Variants in ANKS1B observed in about 807,000 individuals in gnomAD.
ANKS1B encodes the protein ankyrin repeat and sterile alpha motif domain containing 1B.
A neutral mutation model predicts 148.3 loss-of-function variants in ANKS1B; 36 were observed. That is an observed-to-expected ratio of 0.24 (90% CI 0.19 to 0.32). The LOEUF is 0.32. Among genes scored for constraint, ANKS1B ranks in the 10% least tolerant of loss-of-function variants. ANKS1B has a pLI of 1.00. For synonymous variants in ANKS1B, 542 were observed against 560.8 expected, an observed-to-expected ratio of 0.97 and a Z score of 0.47; for missense variants, 1,157 against 1,542.6, an observed-to-expected ratio of 0.75 and a Z score of 4.19.
At chr12:98,777,601 G>A (rs543218657) in intron 24 of ANKS1B, among the ~76,000 whole-genome samples, 1 of 152,316 alleles carries the variant, frequency 6.6e-6, no homozygotes, top group South Asian at 2.1e-4. Context: ...TCAACAGAAG[G>A]CTGAGGTGAT....
At chr12:99,729,882 C>T (rs1262217677) in intron 8 of ANKS1B, among the ~76,000 whole-genome samples, 1 of 152,120 alleles carries the variant, frequency 6.6e-6, no homozygotes, top group African/African-American at 2.4e-5. Flanking sequence ...GTATTTTTCC[C>T]TTTTTGCATA....
At chr12:99,577,987 A>G (rs970246756) in intron 9 of ANKS1B, among the ~76,000 whole-genome samples, 6 of 152,104 alleles carry the variant, frequency 3.9e-5, no homozygotes, top group African/African-American at 1.2e-4. Flanking sequence ...ATATTAGCAA[A>G]CCAAATCCAG....
chr12:98,760,339 A>T (rs1432875013), intron 25 of ANKS1B, among the ~76,000 whole-genome samples: 1 of 151,886 alleles, frequency 6.6e-6, no homozygotes, highest in Non-Finnish European at 1.5e-5. Context: ...GTCATGGCTC[A>T]CAGAAAGCTT....
intron 12 of ANKS1B, among the ~76,000 whole-genome samples, chr12:99,348,592 G>A (rs1162864308): frequency 6.6e-6 from 1 of 151,758 alleles, no homozygotes; most frequent in Admixed American, 6.6e-5. Flanking sequence ...TCATCAATAA[G>A]AATAATATCT....
chr12:99,743,164 G>A (rs905906700), intron 8 of ANKS1B, among the ~76,000 whole-genome samples: 2 of 152,088 alleles, frequency 1.3e-5, no homozygotes, highest in African/African-American at 4.8e-5. Flanking sequence ...ATAATAAATT[G>A]TATCAGGGTC....
In ANKS1B at chr12:98,744,365, T is replaced by C. The variant is rs76399902; in HGVS notation, c.*1374A>G. 51,728 of 905,458 alleles carry C rather than the reference T, an allele frequency of 0.057. 1,852 individuals carry two copies. Among genetic ancestry groups the C allele is most frequent in the East Asian group, 0.21 (1,723 of 8,400 alleles). 56.1% of individuals were successfully genotyped at this position (905,458 alleles called of 1,614,324 possible). ...ATCATCTCAGTTAGGTTTAAAATAA[T>C]GTCAGTTAATAAAAAAACATTAAGA... is the stretch of plus-strand genomic sequence containing the variant. On this transcript the variant is annotated 3_prime_UTR_variant, in exon 27 of 27. Coordinates refer to ENST00000683438, the MANE Select transcript of ANKS1B (RefSeq NM_001352186.2).
At chr12:99,641,457 C>T (rs1244064038) in intron 9 of ANKS1B, among the ~76,000 whole-genome samples, 1 of 152,048 alleles carries the variant, frequency 6.6e-6, no homozygotes, top group African/African-American at 2.4e-5. Flanking sequence ...AAATTATAAA[C>T]AGGTATGAGG....
At chr12:99,273,307 C>G (rs2077257380) in intron 12 of ANKS1B, among the ~76,000 whole-genome samples, 2 of 152,160 alleles carry the variant, frequency 1.3e-5, no homozygotes, top group South Asian at 4.1e-4. Context: ...CTATTCCAAG[C>G]TAGGGATGCT....
intron 16 of ANKS1B, among the ~76,000 whole-genome samples, chr12:99,068,552 A>G (rs1241447005): frequency 6.6e-6 from 1 of 152,212 alleles, no homozygotes; most frequent in African/African-American, 2.4e-5. Context: ...TATAAGTTCT[A>G]GAAAAAAATG....
chr12:99,247,454 G>A (rs1326554194), intron 12 of ANKS1B, among the ~76,000 whole-genome samples: 1 of 152,036 alleles, frequency 6.6e-6, no homozygotes, highest in African/African-American at 2.4e-5. Flanking sequence ...AATTTGTTCA[G>A]ACTTAACAAA....
At chr12:99,794,479 A>G (rs2066004990) in intron 4 of ANKS1B, among the ~76,000 whole-genome samples, 1 of 151,884 alleles carries the variant, frequency 6.6e-6, no homozygotes. Context: ...ACACACACAC[A>G]CACACACACA....
At chr12:99,409,700 C>T (rs1824319582) in intron 11 of ANKS1B, among the ~76,000 whole-genome samples, 1 of 151,806 alleles carries the variant, frequency 6.6e-6, no homozygotes, top group East Asian at 1.9e-4. Context: ...AATGGAATAA[C>T]AGCAATGGGA....
At chr12:99,149,100 A>G (rs1424978930) in intron 15 of ANKS1B, among the ~76,000 whole-genome samples, 1 of 152,122 alleles carries the variant, frequency 6.6e-6, no homozygotes, top group African/African-American at 2.4e-5. Flanking sequence ...CCTTTTAAGG[A>G]CAATTAATTT....
At chr12:99,530,546 G>T (rs1404124381) in intron 9 of ANKS1B, among the ~76,000 whole-genome samples, 2 of 152,046 alleles carry the variant, frequency 1.3e-5, no homozygotes, top group Non-Finnish European at 2.9e-5. Flanking sequence ...ACTGCAACAG[G>T]TAAGTTGTAC....
intron 17 of ANKS1B, among the ~76,000 whole-genome samples, chr12:98,989,235 G>A (rs1197266197): frequency 2.0e-5 from 3 of 152,108 alleles, no homozygotes; most frequent in Non-Finnish European, 4.4e-5. Flanking sequence ...AAGTTTCATA[G>A]TTTTGGGTCT....
At chr12:99,312,459 G>A (rs759150479) in intron 12 of ANKS1B, among the ~76,000 whole-genome samples, 1 of 152,132 alleles carries the variant, frequency 6.6e-6, no homozygotes, top group East Asian at 1.9e-4. Flanking sequence ...TAGAAGATCA[G>A]TGTGTTCTTT....
At chr12:99,086,041 A>G (rs1219386266) in intron 15 of ANKS1B, among the ~76,000 whole-genome samples, 1 of 152,208 alleles carries the variant, frequency 6.6e-6, no homozygotes, top group Non-Finnish European at 1.5e-5. Flanking sequence ...TGAATGCCAG[A>G]CACCAGATCA....
chr12:98,979,307 G>A (rs1040197943), intron 17 of ANKS1B, among the ~76,000 whole-genome samples: 12 of 149,422 alleles, frequency 8.0e-5, no homozygotes, highest in South Asian at 2.1e-4. Flanking sequence ...TCGCTCTGTC[G>A]CCCAGGCTGG....
intron 9 of ANKS1B, among the ~76,000 whole-genome samples, chr12:99,523,797 C>T (rs1263559884): frequency 6.6e-6 from 1 of 152,136 alleles, no homozygotes; most frequent in African/African-American, 2.4e-5. Flanking sequence ...TGTGATCCAC[C>T]TGCCTCAGCC....
Sources: gnomAD v4.1 joint callset for allele counts (sites outside exome capture counted in the v4.1 genomes callset) on GRCh38, gnomAD v4.1.1 for gene constraint, MANE v1.5 for transcripts, NCBI Gene and HGNC (gene_info 2026-07-23, HGNC 2026-07-21) for gene names.